The following PTPN14 variants were observed in gnomAD, a reference collection of about 807,000 sequenced individuals.
PTPN14 encodes tyrosine-protein phosphatase non-receptor type 14.
Under a neutral mutation model 126.8 loss-of-function variants are expected in PTPN14, and 53 were observed. That is an observed-to-expected ratio of 0.42 (90% confidence interval 0.34 to 0.53). The LOEUF (loss-of-function observed/expected upper bound fraction) is 0.53. PTPN14 is among the 20% of genes least tolerant of loss of function. The pLI is 0.08. For missense variants in PTPN14, 1,257 were observed against 1,552.9 expected, an observed-to-expected ratio of 0.81 and a Z score of 3.20; for synonymous variants, 630 against 599.3, an observed-to-expected ratio of 1.05 and a Z score of -0.75.
chr1:214,414,758 T>A, intron 3 of PTPN14, 32 bp from the exon 4 acceptor site: 1 of 1,515,326 alleles, frequency 6.6e-7, no homozygotes, highest in Non-Finnish European at 9.2e-7. Flanking sequence ...CAAACAACCT[T>A]AAAAACACAT....
In PTPN14 at chr1:214,383,446, A is replaced by G; in HGVS notation, c.2409T>C (p.Ser803=). Residue 803 remains serine, a synonymous_variant, in exon 13 of 19, where the codon TCT becomes TCC. Transcript: ENST00000366956. The surrounding 1 kb of genome is among the most constrained non-coding windows in gnomAD (Gnocchi z 4.4). The part of the protein sequence containing the change: ...RTDPPAVNGA[S]LGPSISEPDL... ...CGGGTTCCGAGATGGATGGGCCGAG[A>G]GAGGCCCCGTTGACAGCCGGCGGGT... The G allele has an allele frequency of 6.2e-7, 1 of 1,614,200 alleles. No individual in the cohort carries two copies.
chr1:214,421,737 T>C (rs1659548801), intron 3 of PTPN14, among the ~76,000 whole-genome samples: 1 of 152,094 alleles, frequency 6.6e-6, no homozygotes, highest in Admixed American at 6.6e-5. Context: ...ACCTGAGCTG[T>C]CGTAAGTGTG....
chr1:214,364,807 T>TGTGTGTGTGTG lies in PTPN14; in HGVS notation c.3272-133_3272-132insCACACACACAC. ...TGTGTGTGTGTGTGTGTGTGTGTGT[T>TGTGTGTGTGTG]TTAAGTGACAATAATTTATAGTTCT... On this transcript the variant is annotated intron_variant, in intron 17 of 18. Transcript: ENST00000366956. The surrounding 1 kb of genome is among the most constrained non-coding windows in gnomAD (Gnocchi z 4.1). 1 of 344,496 alleles carries TGTGTGTGTGTG rather than the reference T, an allele frequency of 2.9e-6. No individual in the cohort carries two copies. Among genetic ancestry groups the TGTGTGTGTGTG allele is most frequent in the South Asian group, 5.7e-5 (1 of 17,396 alleles). The allele number at this position is 344,496 out of a possible 1,614,324, so 21.3% of individuals were successfully genotyped here.
At chr1:214,421,917 C>A (rs1007992682) in intron 3 of PTPN14, among the ~76,000 whole-genome samples, 3 of 152,150 alleles carry the variant, frequency 2.0e-5, no homozygotes, top group African/African-American at 7.2e-5. Flanking sequence ...AGTTAGTGAA[C>A]CCTTTCACAT....
At chr1:214,404,728 A>C (rs1413020144) in intron 5 of PTPN14, among the ~76,000 whole-genome samples, 1 of 152,190 alleles carries the variant, frequency 6.6e-6, no homozygotes. Context: ...GGCAGAATGC[A>C]TGCCTGTACA....
At chr1:214,419,950 C>T (rs925693983) in intron 3 of PTPN14, among the ~76,000 whole-genome samples, 16 of 152,248 alleles carry the variant, frequency 1.1e-4, no homozygotes, top group South Asian at 6.2e-4. Flanking sequence ...TCCCTCCATC[C>T]CTCTATCCTC....
At chr1:214,393,233 A>G (rs1297364266) in intron 10 of PTPN14, among the ~76,000 whole-genome samples, 7 of 152,202 alleles carry the variant, frequency 4.6e-5, no homozygotes, top group African/African-American at 1.7e-4. Context: ...CAGTCAGATG[A>G]CATGACCCAG....
intron 1 of PTPN14, among the ~76,000 whole-genome samples, chr1:214,547,006 A>G (rs1173298973): frequency 6.6e-6 from 1 of 152,200 alleles, no homozygotes; most frequent in African/African-American, 2.4e-5. Context: ...TGTCATTTAT[A>G]ACCCAACCTA....
In PTPN14 at chr1:214,372,615, A is replaced by G. The variant is rs1042707361; in HGVS notation, c.3036+96T>C. 1.9e-6 allele frequency: 3 copies of G among 1,559,928 alleles called. No homozygotes were observed. The African/African-American group carries it at 4.1e-5, about 21-fold the overall frequency. Reference sequence around the variant, plus strand: ...TGTGCAGAGAAACAGCACTGCAGGAAGAAGGATAGGGTAGCAAAGTTGACA... The same window carrying G: ...TGTGCAGAGAAACAGCACTGCAGGAGGAAGGATAGGGTAGCAAAGTTGACA... On this transcript the variant is annotated intron_variant, in intron 16 of 18. Transcript: ENST00000366956.
chr1:214,509,828 G>T (rs370072824), intron 1 of PTPN14, among the ~76,000 whole-genome samples: 1 of 152,192 alleles, frequency 6.6e-6, no homozygotes, highest in African/African-American at 2.4e-5. Context: ...ATGAGTTCAC[G>T]TCCTTTGTAG....
chr1:214,366,983 CAAA>C (rs60761312), intron 17 of PTPN14, among the ~76,000 whole-genome samples: 9 of 125,394 alleles, frequency 7.2e-5, no homozygotes, highest in African/African-American at 6.1e-5. Context: ...GACTCCATCT[CAAA>C]AAAAAAAAAA....
chr1:214,408,211 C>A (rs1659214483), intron 5 of PTPN14, among the ~76,000 whole-genome samples: 1 of 152,156 alleles, frequency 6.6e-6, no homozygotes, highest in African/African-American at 2.4e-5. Context: ...AAACAAGCAC[C>A]ATTTCTTATA....
chr1:214,470,211 C>T (rs1337397378), intron 1 of PTPN14, among the ~76,000 whole-genome samples: 11 of 151,900 alleles, frequency 7.2e-5, no homozygotes, highest in Non-Finnish European at 8.8e-5. Context: ...ATCACTTGAG[C>T]CCAGGAATTT....
chr1:214,408,217 T>C (rs773490737), intron 5 of PTPN14, among the ~76,000 whole-genome samples: 1 of 152,182 alleles, frequency 6.6e-6, no homozygotes, highest in Non-Finnish European at 1.5e-5. Context: ...GCACCATTTC[T>C]TATATAATTT....
chr1:214,466,987 G>C (rs1481052453), intron 1 of PTPN14, among the ~76,000 whole-genome samples: 2 of 152,060 alleles, frequency 1.3e-5, no homozygotes, highest in African/African-American at 4.8e-5. Context: ...ACTTGCCGTG[G>C]GCACATTCCT....
rs557321966 is a variant in PTPN14, at chr1:214,351,290, T to TAAAAAAAAAAAAAAAAA, written c.*6615_*6631dup. 2 of 61,686 alleles carry TAAAAAAAAAAAAAAAAA rather than the reference T, an allele frequency of 3.2e-5. No individual in the cohort carries two copies. The highest frequency in any genetic ancestry group is 7.1e-5 in the Non-Finnish European group (2 of 28,232). 3.8% of individuals were successfully genotyped at this position (61,686 alleles called of 1,614,324 possible). A position where few individuals can be genotyped will look rare whatever the true frequency, so the allele number is the denominator to read the frequency against. The stretch of plus-strand genomic sequence containing the variant: ...AGGAGTGAGACACGATCTCAAAAAC[T>TAAAAAAAAAAAAAAAAA]AAAAAAAAAAAAAAAAAGAAAAAGA... On this transcript the variant is annotated 3_prime_UTR_variant, in exon 19 of 19. Coordinates refer to ENST00000366956, the MANE Select transcript of PTPN14 (RefSeq NM_005401.5).
intron 1 of PTPN14, among the ~76,000 whole-genome samples, chr1:214,479,864 G>C (rs1660948667): frequency 4.6e-5 from 7 of 151,906 alleles, no homozygotes. Flanking sequence ...ACCCACAGAG[G>C]ACCAATATTA....
chr1:214,400,393 T>G (rs1658988220), intron 7 of PTPN14, among the ~76,000 whole-genome samples: 1 of 152,164 alleles, frequency 6.6e-6, no homozygotes, highest in Admixed American at 6.5e-5. Flanking sequence ...TACCCGAGCT[T>G]GGCAATAAGT....
intron 1 of PTPN14, among the ~76,000 whole-genome samples, chr1:214,498,479 A>AT (rs148332904): frequency 0.03 from 4,581 of 152,264 alleles, 118 homozygotes; most frequent in African/African-American, 0.07. Flanking sequence ...TATTATCCAT[A>AT]TTTTTTCAAC....
Sources: allele counts gnomAD v4.1 joint callset (sites outside exome capture counted in the v4.1 genomes callset), GRCh38; gene constraint gnomAD v4.1.1; non-coding constraint Gnocchi (gnomAD v3.1); transcripts MANE v1.5; gene names NCBI Gene and HGNC (gene_info 2026-07-23, HGNC 2026-07-21).